The following NSD3 variants were observed in gnomAD, a reference collection of about 807,000 sequenced individuals.
NSD3 encodes nuclear receptor binding SET domain protein 3.
In NSD3, 24 loss-of-function variants were observed where a neutral mutation model predicts 160.8. That is an observed-to-expected ratio of 0.15 (90% confidence interval 0.11 to 0.21). The LOEUF is 0.21. Ranked by LOEUF, NSD3 falls within the 10% of genes least tolerant of loss-of-function variation. NSD3 has a pLI of 1.00. For missense variants in NSD3, 1,157 were observed against 1,735.9 expected, an observed-to-expected ratio of 0.67 and a Z score of 5.93; for synonymous variants, 520 against 600.0, an observed-to-expected ratio of 0.87 and a Z score of 1.95.
chr8:38,382,244 C>G lies in NSD3; in HGVS notation c.-490G>C. On this transcript the variant is annotated 5_prime_UTR_variant, in exon 1 of 24. Transcript: ENST00000317025. This position sits in a 1 kb window ranked among gnomAD's most constrained non-coding sequence, Gnocchi z 4.2. The stretch of plus-strand genomic sequence containing the variant: ...TCCGTGCTGGCCGCCGCCGCCGCCT[C>G]TCCCGCCGCCGCCGCGCACAAAGCC... 1 of 170,256 alleles carries G rather than the reference C, an allele frequency of 5.9e-6. No homozygotes were observed. Among genetic ancestry groups the G allele is most frequent in the Non-Finnish European group, 1.2e-5 (1 of 82,418 alleles). 10.5% of individuals were successfully genotyped at this position (170,256 alleles called of 1,614,324 possible).
intron 2 of NSD3, among the ~76,000 whole-genome samples, chr8:38,346,164 G>A (rs1585908862): frequency 6.7e-6 from 1 of 149,914 alleles, no homozygotes; most frequent in African/African-American, 2.5e-5. Context: ...GTATGCATAT[G>A]TATGTATATA....
At chr8:38,367,359 C>T (rs1173589818) in intron 1 of NSD3, among the ~76,000 whole-genome samples, 1 of 152,126 alleles carries the variant, frequency 6.6e-6, no homozygotes, top group African/African-American at 2.4e-5. Context: ...ATTATCAATA[C>T]ATAAGTGTAG....
At chr8:38,349,915 T>C (rs1349810783) in intron 1 of NSD3, among the ~76,000 whole-genome samples, 1 of 149,890 alleles carries the variant, frequency 6.7e-6, no homozygotes, top group Non-Finnish European at 1.5e-5. Context: ...AATTCCCACC[T>C]ATGAGTGAGA....
intron 19 of NSD3, among the ~76,000 whole-genome samples, chr8:38,283,704 C>T (rs1207295128): frequency 1.3e-5 from 2 of 152,172 alleles, no homozygotes; most frequent in Non-Finnish European, 2.9e-5. Context: ...GTCTGCTTCA[C>T]GGAGCTACAT....
In NSD3 at chr8:38,288,095, T is replaced by C. The variant is rs932320413; in HGVS notation, c.3501+392A>G. On this transcript the variant is annotated intron_variant, in intron 19 of 23. Coordinates refer to ENST00000317025, the MANE Select transcript of NSD3 (RefSeq NM_023034.2). The surrounding 1 kb of genome is among the most constrained non-coding windows in gnomAD (Gnocchi z 4.5). ...TACTCGGGAGGCTGAAGTGGGAGGATCTCTTGAGCCCAGGAGTTCAAGGCT... is the reference window on the plus strand; with the variant it reads ...TACTCGGGAGGCTGAAGTGGGAGGACCTCTTGAGCCCAGGAGTTCAAGGCT... 6.6e-6 allele frequency among the ~76,000 whole-genome samples: 1 copy of C among 151,890 alleles called. No homozygotes were observed. Among genetic ancestry groups the C allele is most frequent in the African/African-American group, 2.4e-5 (1 of 41,320 alleles).
rs191985733 is a variant in NSD3, at chr8:38,325,849, C to T, written c.1708+881G>A. Reference sequence around the variant, plus strand: ...TCCACTCTGCATGACAGAGTGAGACCCCGTCTCAAAAAAAAAAAGGCCAGA... The same window carrying T: ...TCCACTCTGCATGACAGAGTGAGACTCCGTCTCAAAAAAAAAAAGGCCAGA... On this transcript the variant is annotated intron_variant, in intron 7 of 23. Transcript: ENST00000317025. Among the ~76,000 whole-genome samples, 177 of 148,562 alleles carry T rather than the reference C, an allele frequency of 1.2e-3. 2 individuals carry two copies. The highest frequency in any genetic ancestry group is 4.2e-4 in the Non-Finnish European group (28 of 67,144).
intron 1 of NSD3, among the ~76,000 whole-genome samples, chr8:38,351,963 T>G (rs1810713935): frequency 6.6e-6 from 1 of 151,294 alleles, no homozygotes; most frequent in African/African-American, 2.4e-5. Flanking sequence ...ATGGCACATG[T>G]ATACATACGT....
chr8:38,329,326 G>T lies in NSD3; in HGVS notation c.1581+52C>A. 1.3e-6 allele frequency: 2 copies of T among 1,564,386 alleles called. No individual in the cohort carries two copies. Among genetic ancestry groups the T allele is most frequent in the South Asian group, 1.2e-5 (1 of 83,350 alleles). ...GGTCATTGTTTTAAATGCCAAGGTT[G>T]ACCACTTTTAAAATACCATCCCCCA... is the stretch of plus-strand genomic sequence containing the variant. On this transcript the variant is annotated intron_variant, in intron 6 of 23. Coordinates refer to ENST00000317025, the MANE Select transcript of NSD3 (RefSeq NM_023034.2). This position sits in a 1 kb window ranked among gnomAD's most constrained non-coding sequence, Gnocchi z 4.8.
In NSD3 at chr8:38,304,624, A is replaced by T. The variant is rs1349385873; in HGVS notation, c.2574T>A (p.Ser858=). 1 of 1,613,436 alleles carries T rather than the reference A, an allele frequency of 6.2e-7. No homozygotes were observed. Among genetic ancestry groups the T allele is most frequent in the African/African-American group, 1.3e-5 (1 of 74,918 alleles). Residue 858 remains serine, a synonymous_variant, in exon 14 of 24, where the codon TCT becomes TCA. Transcript: ENST00000317025. ...SNHSKRSSNS[S]AVNVGFCFVC... ...CGAAACAAAAGCCTACATTTACAGC[A>T]GAAGAATTACTGCTCCGTTTGGAAT...
chr8:38,366,418 C>CT lies in NSD3; in HGVS notation c.-45+15380dup, dbSNP rs374656504. Among the ~76,000 whole-genome samples, 914 of 132,170 alleles carry CT rather than the reference C, an allele frequency of 6.9e-3. 11 individuals are homozygous for CT. The highest frequency in any genetic ancestry group is 7.9e-3 in the Non-Finnish European group (493 of 62,374). The allele number at this position is 132,170 out of a possible 152,430, so 86.7% of individuals were successfully genotyped here. A position where few individuals can be genotyped will look rare whatever the true frequency, so the allele number is the denominator to read the frequency against. On this transcript the variant is annotated intron_variant, in intron 1 of 23. Transcript: ENST00000317025. ...CAATTATGTTCACATCTACTTAATT[C>CT]TTTTTTTTTTTTTTTTGAGATAGAG...
intron 8 of NSD3, chr8:38,320,366 CAA>C (rs1172513332): frequency 2.6e-5 from 4 of 151,692 alleles, no homozygotes; most frequent in Non-Finnish European, 5.9e-5. Context: ...TATTCTTTAA[CAA>C]AAAAATTAAG....
intron 15 of NSD3, among the ~76,000 whole-genome samples, chr8:38,299,212 T>A (rs1226828343): frequency 6.6e-6 from 1 of 152,146 alleles, no homozygotes; most frequent in African/African-American, 2.4e-5. Context: ...AAATATGGAA[T>A]GTGTAAAAAT....
chr8:38,317,999 C>A lies in NSD3; in HGVS notation c.1855+896G>T, dbSNP rs1410568500. On this transcript the variant is annotated intron_variant, in intron 9 of 23. Transcript: ENST00000317025. This position sits in a 1 kb window ranked among gnomAD's most constrained non-coding sequence, Gnocchi z 5.3. The stretch of plus-strand genomic sequence containing the variant: ...AATCGCTGCGGAGACGGAGCTGTCA[C>A]TGAATCTGACAGAGCCCTGCACTCC... 6.2e-7 allele frequency: 1 copy of A among 1,614,188 alleles called. No homozygotes were observed. Among genetic ancestry groups the A allele is most frequent in the East Asian group, 2.2e-5 (1 of 44,888 alleles).
intron 1 of NSD3, among the ~76,000 whole-genome samples, chr8:38,349,812 TCTC>T: frequency 6.6e-6 from 1 of 151,734 alleles, no homozygotes; most frequent in South Asian, 2.1e-4. Flanking sequence ...ATTAGGTATA[TCTC>T]CTAATGCTAT....
At chr8:38,367,928 T>C (rs1279063151) in intron 1 of NSD3, among the ~76,000 whole-genome samples, 1 of 152,164 alleles carries the variant, frequency 6.6e-6, no homozygotes, top group Non-Finnish European at 1.5e-5. Context: ...AAGTTGTATG[T>C]TTTCTCTTAA....
At chr8:38,346,530 C>A (rs1810540297) in intron 2 of NSD3, among the ~76,000 whole-genome samples, 1 of 151,570 alleles carries the variant, frequency 6.6e-6, no homozygotes, top group Non-Finnish European at 1.5e-5. Context: ...AGTCTTAGAT[C>A]ATTGCCTAGC....
intron 19 of NSD3, among the ~76,000 whole-genome samples, chr8:38,282,985 AGT>A (rs1288904874): frequency 6.6e-6 from 1 of 152,170 alleles, no homozygotes; most frequent in Non-Finnish European, 1.5e-5. Flanking sequence ...AATGGCCAGG[AGT>A]GTGTCTGCTG....
chr8:38,321,472 CACATAA>C lies in NSD3; in HGVS notation c.1709-306_1709-301del, dbSNP rs1809794619. On this transcript the variant is annotated intron_variant, in intron 7 of 23. Transcript: ENST00000317025. The surrounding 1 kb of genome is among the most constrained non-coding windows in gnomAD (Gnocchi z 4.7). ...ACAGCAGACACATTAGTTTTAAAGG[CACATAA>C]ACATCTTTAGGTAAATATAATTAGG... Among the ~76,000 whole-genome samples the C allele has an allele frequency of 6.6e-6, 1 of 152,052 alleles. No homozygotes were observed. Among genetic ancestry groups the C allele is most frequent in the Non-Finnish European group, 1.5e-5 (1 of 68,002 alleles).
chr8:38,376,588 A>G (rs1292397536), intron 1 of NSD3, among the ~76,000 whole-genome samples: 1 of 151,558 alleles, frequency 6.6e-6, no homozygotes, highest in Non-Finnish European at 1.5e-5. Flanking sequence ...GGCGCACACC[A>G]CCGGGCCCGG....
Sources: gnomAD v4.1 joint callset for allele counts (sites outside exome capture counted in the v4.1 genomes callset) on GRCh38, gnomAD v4.1.1 for gene constraint, Gnocchi (gnomAD v3.1) non-coding constraint, MANE v1.5 for transcripts, NCBI Gene and HGNC (gene_info 2026-07-23, HGNC 2026-07-21) for gene names.